The following PRKG1 variants were observed in gnomAD, a reference collection of about 807,000 sequenced individuals.
PRKG1 encodes cGMP-dependent protein kinase 1.
Under a neutral mutation model 88.1 loss-of-function variants are expected in PRKG1, and 35 were observed. The ratio of observed to expected loss-of-function variants is 0.40; its 90% CI spans 0.30 to 0.53. PRKG1 has a LOEUF of 0.53. Ranked by LOEUF, PRKG1 falls within the 20% of genes least tolerant of loss-of-function variation. The pLI, the probability that PRKG1 is intolerant of heterozygous loss-of-function variation, is 0.59. For synonymous variants in PRKG1, 303 were observed against 292.5 expected (o/e 1.04, Z -0.37); for missense variants, 540 against 839.8 (o/e 0.64, Z 4.41).
At chr10:51,514,063 T>C (rs1310239791) in intron 3 of PRKG1, among the ~76,000 whole-genome samples, 1 of 141,532 alleles carries the variant, frequency 7.1e-6, no homozygotes, top group African/African-American at 2.7e-5. Context: ...CAGGAGCTGG[T>C]TTTTTGAAAG....
intron 5 of PRKG1, among the ~76,000 whole-genome samples, chr10:51,933,617 C>T (rs1589433470): frequency 6.9e-6 from 1 of 143,910 alleles, no homozygotes; most frequent in Non-Finnish European, 1.5e-5. Flanking sequence ...AAATTTTAGC[C>T]AAGTTTTTTT....
chr10:51,115,410 CAGAG>C (rs10599349), intron 1 of PRKG1, among the ~76,000 whole-genome samples: 300 of 111,760 alleles, frequency 2.7e-3, no homozygotes, highest in African/African-American at 2.9e-3. Flanking sequence ...GGGGGAGAGA[CAGAG>C]AGAGAGAGAG....
At chr10:51,285,186 GT>G (rs1005903250) in intron 2 of PRKG1, among the ~76,000 whole-genome samples, 1 of 150,920 alleles carries the variant, frequency 6.6e-6, no homozygotes, top group Non-Finnish European at 1.5e-5. Context: ...GAGAATGATG[GT>G]TTTTTTTAAA....
chr10:52,202,158 G>A (rs537541076), intron 9 of PRKG1, among the ~76,000 whole-genome samples: 142 of 151,724 alleles, frequency 9.4e-4, no homozygotes, highest in South Asian at 8.9e-3. Flanking sequence ...ATGCTTCCAG[G>A]TTTGGCTTAT....
chr10:52,005,390 C>T (rs1157676830), intron 5 of PRKG1, among the ~76,000 whole-genome samples: 1 of 151,808 alleles, frequency 6.6e-6, no homozygotes, highest in African/African-American at 2.4e-5. Flanking sequence ...CACCCAGTGA[C>T]CAGCCAGTGC....
chr10:51,911,374 T>A (rs906388068), intron 5 of PRKG1, among the ~76,000 whole-genome samples: 2 of 151,718 alleles, frequency 1.3e-5, no homozygotes, highest in African/African-American at 4.8e-5. Context: ...CTTTAATCAT[T>A]GTCTTTCTTT....
At position 51,025,584 on chromosome 10, in the gene PRKG1, G is replaced by A. The variant is rs538248874; in HGVS notation, c.266+33940G>A. Among the ~76,000 whole-genome samples, 163 of 152,228 alleles carry A rather than the reference G, an allele frequency of 1.1e-3. 2 individuals are homozygous for A. Among genetic ancestry groups the A allele is most frequent in the African/African-American group, 3.8e-3 (159 of 41,530 alleles). ...TCTGTCATGCTCAGACCCTATGCTG[G>A]TGTCCCTTTCCCCTCAAAGTGGTCT... On this transcript the variant is annotated intron_variant, in intron 1 of 17. Transcript: ENST00000401604.
chr10:52,079,682 G>A (rs1846720185), intron 7 of PRKG1, among the ~76,000 whole-genome samples: 1 of 152,170 alleles, frequency 6.6e-6, no homozygotes, highest in South Asian at 2.1e-4. Flanking sequence ...GGCTACTCAT[G>A]GTTTGTTAGA....
intron 2 of PRKG1, among the ~76,000 whole-genome samples, chr10:51,440,790 A>T (rs977216975): frequency 6.6e-6 from 1 of 151,936 alleles, no homozygotes; most frequent in Admixed American, 6.6e-5. Context: ...ATCTTTGTGG[A>T]GAAACTTCTC....
chr10:51,638,695 G>A (rs938250464), intron 3 of PRKG1, among the ~76,000 whole-genome samples: 2 of 152,162 alleles, frequency 1.3e-5, no homozygotes, highest in African/African-American at 4.8e-5. Flanking sequence ...GTGCAGGAGA[G>A]CCTGTCTCTT....
rs556450164 is a variant in PRKG1, at chr10:51,487,732, C to A, written c.592+19896C>A. ...GCTAAGCCAAAAACACCCTGGACAA[C>A]GAAGCTCGTAATTTATTGGCATATA... On this transcript the variant is annotated intron_variant, in intron 3 of 17. Transcript: ENST00000373980. Among the ~76,000 whole-genome samples, 3 of 152,220 alleles carry A rather than the reference C, an allele frequency of 2.0e-5. No homozygotes were observed. The South Asian group carries it at 6.2e-4, about 32-fold the overall frequency.
chr10:51,566,940 G>A (rs201354685), intron 3 of PRKG1, among the ~76,000 whole-genome samples: 16 of 133,054 alleles, frequency 1.2e-4, no homozygotes, highest in African/African-American at 6.6e-4. Context: ...AAAAAAAAGA[G>A]AGAGAGAGAA....
chr10:51,931,447 G>T (rs770428379), intron 5 of PRKG1, among the ~76,000 whole-genome samples: 2 of 151,984 alleles, frequency 1.3e-5, no homozygotes, highest in South Asian at 2.1e-4. Context: ...GACCCCCATC[G>T]CTATAAAGAA....
rs1839975151 is a variant in PRKG1 at position 52,211,681 on chromosome 10, C to T, written c.1077-39889C>T. On this transcript the variant is annotated intron_variant, in intron 9 of 17. Transcript: ENST00000373980. ...CTGAAATGAAGTAACTTAAAAAATA[C>T]ACAAATACCTATCCTGGTAAAAAAA... is the stretch of plus-strand genomic sequence containing the variant. Among the ~76,000 whole-genome samples the T allele has an allele frequency of 3.8e-5, 4 of 105,636 alleles. No homozygotes were observed. The Admixed American group carries it at 3.9e-4, about 10-fold the overall frequency. The allele number at this position is 105,636 out of a possible 152,430, so 69.3% of individuals were successfully genotyped here.
chr10:51,982,900 A>C (rs1844048812), intron 5 of PRKG1, among the ~76,000 whole-genome samples: 1 of 152,126 alleles, frequency 6.6e-6, no homozygotes, highest in African/African-American at 2.4e-5. Context: ...CAGTCACCTA[A>C]GTGGTGGAGG....
chr10:51,794,640 C>T (rs1838963561), intron 3 of PRKG1, among the ~76,000 whole-genome samples: 1 of 151,878 alleles, frequency 6.6e-6, no homozygotes, highest in South Asian at 2.1e-4. Context: ...GTTCTCACCA[C>T]AAAAATGATG....
At chr10:52,024,794 G>C (rs1845290373) in intron 5 of PRKG1, among the ~76,000 whole-genome samples, 1 of 152,148 alleles carries the variant, frequency 6.6e-6, no homozygotes, top group Non-Finnish European at 1.5e-5. Flanking sequence ...AAACATACGT[G>C]TGCATGTGTC....
At chr10:51,003,512 C>A (rs980607234) in intron 1 of PRKG1, among the ~76,000 whole-genome samples, 2 of 152,132 alleles carry the variant, frequency 1.3e-5, no homozygotes, top group Non-Finnish European at 2.9e-5. Flanking sequence ...CCCCATTTGC[C>A]ATGTTAAAAG....
intron 2 of PRKG1, among the ~76,000 whole-genome samples, chr10:51,416,035 T>C (rs1348949415): frequency 6.6e-6 from 1 of 152,120 alleles, no homozygotes; most frequent in Admixed American, 6.6e-5. Context: ...TCATTATATT[T>C]AGATCGACAC....
Sources: gnomAD v4.1 joint callset for allele counts (sites outside exome capture counted in the v4.1 genomes callset) on GRCh38, gnomAD v4.1.1 for gene constraint, MANE v1.5 for transcripts, NCBI Gene and HGNC (gene_info 2026-07-23, HGNC 2026-07-21) for gene names.